The following PDE7B variants were observed in gnomAD, a reference collection of about 807,000 sequenced individuals.
PDE7B encodes the protein phosphodiesterase 7B.
Under a neutral mutation model 56.2 loss-of-function variants are expected in PDE7B, and 29 were observed. That is an observed-to-expected ratio of 0.52 (90% confidence interval 0.38 to 0.70). The LOEUF (loss-of-function observed/expected upper bound fraction) is 0.70, where lower values mean the gene tolerates loss of function less well. PDE7B is among the 30% of genes least tolerant of loss of function. The probability of loss-of-function intolerance (pLI) is 0.00; values close to 1 mark genes in which losing one functional copy is unlikely to be tolerated. For missense variants in PDE7B, 490 were observed against 565.0 expected, an observed-to-expected ratio of 0.87 and a Z score of 1.35; for synonymous variants, 197 against 196.9, an observed-to-expected ratio of 1.00 and a Z score of 0.00.
At chr6:136,147,532 A>G (rs764479788) in intron 4 of PDE7B, 30 bp downstream of exon 4, 1 of 1,605,374 alleles carries the variant, frequency 6.2e-7, no homozygotes, top group South Asian at 1.1e-5. Flanking sequence ...TCCTCACAGC[A>G]GGCCAGTGGC....
chr6:136,150,044 G>T (rs1486773934), intron 5 of PDE7B, among the ~76,000 whole-genome samples: 1 of 152,122 alleles, frequency 6.6e-6, no homozygotes, highest in Non-Finnish European at 1.5e-5. Flanking sequence ...AAAAGAACTT[G>T]TTCAATGGTA....
At chr6:136,042,550 G>T (rs934388126) in intron 2 of PDE7B, among the ~76,000 whole-genome samples, 2 of 152,046 alleles carry the variant, frequency 1.3e-5, no homozygotes, top group Admixed American at 1.3e-4. Flanking sequence ...CACACAAATC[G>T]CTCAAAGAAA....
intron 8 of PDE7B, among the ~76,000 whole-genome samples, chr6:136,159,670 A>G (rs1483823419): frequency 1.3e-5 from 2 of 152,280 alleles, no homozygotes; most frequent in Admixed American, 1.3e-4. Flanking sequence ...AAAGTCTTGC[A>G]CCTTGTTTCA....
rs142416137 is a variant in PDE7B at position 135,973,207 on chromosome 6, G to A, written c.82+25683G>A. On this transcript the variant is annotated intron_variant, in intron 2 of 12. Transcript: ENST00000308191. ...TATGAATTTGACTAGTTTAGATACC[G>A]CATATAAATGGAGTCATACAGTATT... Among the ~76,000 whole-genome samples, 61 of 152,084 alleles carry A rather than the reference G, an allele frequency of 4.0e-4. 1 individual carries two copies. Among genetic ancestry groups the A allele is most frequent in the African/African-American group, 1.1e-3 (47 of 41,392 alleles).
At position 135,882,564 on chromosome 6, in the gene PDE7B, T is replaced by G. The variant is rs1475576289; in HGVS notation, c.21+30545T>G. 5.9e-5 allele frequency among the ~76,000 whole-genome samples: 9 copies of G among 152,162 alleles called. No individual in the cohort carries two copies. In the East Asian group the frequency reaches 1.7e-3, roughly 29 times the overall value. On this transcript the variant is annotated intron_variant, in intron 1 of 12. Transcript: ENST00000308191. Reference sequence around the variant, plus strand: ...ACCTTATTCAATAAATACATACACTTCACAGACTGAACAGATGGATTACAG... The same window carrying G: ...ACCTTATTCAATAAATACATACACTGCACAGACTGAACAGATGGATTACAG...
chr6:136,191,646 C>T lies in PDE7B; in HGVS notation c.1159C>T (p.Arg387Trp), dbSNP rs576204410. The stretch of plus-strand genomic sequence containing the variant: ...GAGCTACATCGTGGAGCCGCTCTTC[C>T]GGGAATGGGCCCATTTCACGGGTAA... ...FMSYIVEPLF[R>W]EWAHFTGNST... Residue 387 changes from arginine to tryptophan, a missense_variant, in exon 13 of 13, where the codon CGG (arginine) becomes TGG (tryptophan). Coordinates refer to ENST00000308191, the MANE Select transcript of PDE7B (RefSeq NM_018945.4). 3.8e-5 allele frequency: 61 copies of T among 1,614,072 alleles called. No individual in the cohort carries two copies. The South Asian group carries it at 6.2e-4, about 16-fold the overall frequency.
intron 2 of PDE7B, among the ~76,000 whole-genome samples, chr6:136,104,382 C>T (rs1181279670): frequency 6.6e-6 from 1 of 152,054 alleles, no homozygotes; most frequent in Non-Finnish European, 1.5e-5. Context: ...AATTGTTTAG[C>T]TTGGATATAA....
intron 2 of PDE7B, among the ~76,000 whole-genome samples, chr6:136,065,336 A>T (rs1477029842): frequency 6.6e-6 from 1 of 152,230 alleles, no homozygotes; most frequent in Admixed American, 6.5e-5. Context: ...AAAAAAACTG[A>T]AATTGTCATC....
At chr6:136,088,275 G>A (rs1383101742) in intron 2 of PDE7B, among the ~76,000 whole-genome samples, 1 of 152,252 alleles carries the variant, frequency 6.6e-6, no homozygotes, top group South Asian at 2.1e-4. Flanking sequence ...TACCGGGGGC[G>A]GGCAGAGAAA....
intron 12 of PDE7B, among the ~76,000 whole-genome samples, chr6:136,190,798 G>T (rs530170928): frequency 1.3e-5 from 2 of 152,198 alleles, no homozygotes; most frequent in African/African-American, 2.4e-5. Flanking sequence ...TTTCATACAG[G>T]TAAAAATCTG....
At chr6:136,139,501 G>T (rs555199443) in intron 3 of PDE7B, among the ~76,000 whole-genome samples, 2 of 152,226 alleles carry the variant, frequency 1.3e-5, no homozygotes, top group South Asian at 4.2e-4. Context: ...GGGATGGCTG[G>T]GTCAAATGGT....
intron 8 of PDE7B, among the ~76,000 whole-genome samples, chr6:136,163,430 G>C (rs1056588813): frequency 6.6e-6 from 1 of 152,212 alleles, no homozygotes; most frequent in Non-Finnish European, 1.5e-5. Context: ...GCTGCACAGA[G>C]CTGGGGGCCC....
intron 2 of PDE7B, among the ~76,000 whole-genome samples, chr6:135,950,899 A>T (rs538288759): frequency 6.6e-6 from 1 of 152,282 alleles, no homozygotes; most frequent in Admixed American, 6.5e-5. Context: ...ATAAGTGTAA[A>T]ATTCACCTCG....
rs183416512 is a variant in PDE7B at position 135,936,602 on chromosome 6, G to A, written c.22-10862G>A. 4.5e-3 allele frequency among the ~76,000 whole-genome samples: 679 copies of A among 152,260 alleles called. 10 individuals carry two copies. The highest frequency in any genetic ancestry group is 0.015 in the African/African-American group (628 of 41,534). ...TCAGGCTCAGGGGCAGGAACATAGGGTCCTTTTCTGGGTCAAATCTCCCTC... is the reference window on the plus strand; with the variant it reads ...TCAGGCTCAGGGGCAGGAACATAGGATCCTTTTCTGGGTCAAATCTCCCTC... On this transcript the variant is annotated intron_variant, in intron 1 of 12. Coordinates refer to ENST00000308191, the MANE Select transcript of PDE7B (RefSeq NM_018945.4).
intron 2 of PDE7B, among the ~76,000 whole-genome samples, chr6:135,955,186 C>T (rs916199241): frequency 3.9e-5 from 6 of 152,052 alleles, no homozygotes; most frequent in Admixed American, 1.3e-4. Flanking sequence ...ATTCTATCCT[C>T]AGCAAGCTCC....
chr6:136,014,505 T>C (rs1043276125), intron 2 of PDE7B, among the ~76,000 whole-genome samples: 6 of 152,236 alleles, frequency 3.9e-5, no homozygotes, highest in African/African-American at 1.4e-4. Context: ...TGTGAACTTT[T>C]AGCCCTGTTG....
intron 2 of PDE7B, among the ~76,000 whole-genome samples, chr6:135,954,195 C>T (rs541424349): frequency 5.9e-5 from 9 of 152,262 alleles, no homozygotes; most frequent in South Asian, 4.2e-4. Context: ...CACCCATACA[C>T]GCAGAATGTG....
chr6:136,026,089 G>A (rs1044308738), intron 2 of PDE7B, among the ~76,000 whole-genome samples: 10 of 152,312 alleles, frequency 6.6e-5, no homozygotes, highest in African/African-American at 2.2e-4. Flanking sequence ...AGACAGCGGA[G>A]TTGCTGCTGC....
At chr6:135,871,350 C>A (rs1775376047) in intron 1 of PDE7B, among the ~76,000 whole-genome samples, 1 of 152,198 alleles carries the variant, frequency 6.6e-6, no homozygotes, top group Non-Finnish European at 1.5e-5. Context: ...GCCTGTGTAA[C>A]CCACAAGGAC....
Sources: allele counts gnomAD v4.1 joint callset (sites outside exome capture counted in the v4.1 genomes callset), GRCh38; gene constraint gnomAD v4.1.1; transcripts MANE v1.5; gene names NCBI Gene and HGNC (gene_info 2026-07-23, HGNC 2026-07-21).